ANKRA2: variants seen among roughly 807,000 people sequenced by gnomAD.
ANKRA2 encodes the protein ankyrin repeat family A protein 2.
Under a neutral mutation model 37.8 loss-of-function variants are expected in ANKRA2, and 33 were observed. The ratio of observed to expected loss-of-function variants is 0.87; its 90% confidence interval spans 0.66 to 1.17. The LOEUF is 1.17. Among genes scored for constraint, ANKRA2 ranks in the 50% most tolerant of loss-of-function variants. The pLI is 0.00. For synonymous variants in ANKRA2, 126 were observed against 132.3 expected, an observed-to-expected ratio of 0.95 and a Z score of 0.33; for missense variants, 326 against 373.7, an observed-to-expected ratio of 0.87 and a Z score of 1.05.
chr5:73,553,565 G>A (rs1747307918), intron 7 of ANKRA2, 79 bp from the exon 8 acceptor site: 32 of 1,204,338 alleles, frequency 2.7e-5, no homozygotes, highest in Non-Finnish European at 3.5e-5. Flanking sequence ...TGTACAAATA[G>A]CTGGAGAGAT....
intron 2 of ANKRA2, among the ~76,000 whole-genome samples, chr5:73,562,247 C>G (rs1747576961): frequency 6.6e-6 from 1 of 152,018 alleles, no homozygotes. Context: ...GAACTCCTGA[C>G]CTCAAGTGAT....
chr5:73,562,005 A>G (rs1747568667), intron 2 of ANKRA2, among the ~76,000 whole-genome samples: 2 of 151,972 alleles, frequency 1.3e-5, no homozygotes, highest in South Asian at 4.2e-4. Context: ...TAAAAGGAAC[A>G]TGATTTTTTT....
At chr5:73,561,438 A>G in intron 2 of ANKRA2, 150 bp from the exon 3 acceptor site, 1 of 777,140 alleles carries the variant, frequency 1.3e-6, no homozygotes, top group Non-Finnish European at 2.0e-6. Context: ...ATTAAAGTCC[A>G]TACTTCCTTG....
chr5:73,558,621 A>G (rs948618321), intron 3 of ANKRA2, among the ~76,000 whole-genome samples: 2 of 152,092 alleles, frequency 1.3e-5, no homozygotes, highest in Admixed American at 6.6e-5. Flanking sequence ...TGCAGCCTCA[A>G]CCTTCTGGGC....
At chr5:73,552,877 T>C in intron 8 of ANKRA2, 25 bp from the exon 9 acceptor site, 1 of 1,547,360 alleles carries the variant, frequency 6.5e-7, no homozygotes, top group Non-Finnish European at 8.9e-7. Flanking sequence ...TAATCAAGAT[T>C]ACAGCACAGT....
intron 1 of ANKRA2, among the ~76,000 whole-genome samples, chr5:73,563,942 G>A (rs1229198217): frequency 6.6e-6 from 1 of 152,070 alleles, no homozygotes; most frequent in Non-Finnish European, 1.5e-5. Flanking sequence ...GAGTAGGCAG[G>A]TCAGGTAATC....
intron 2 of ANKRA2, 27 bp from the exon 3 acceptor site, chr5:73,561,315 T>C: frequency 1.3e-6 from 2 of 1,591,436 alleles, no homozygotes; most frequent in East Asian, 4.5e-5. Flanking sequence ...TGTAAACACA[T>C]TAAAAGCATT....
At chr5:73,558,923 T>C (rs1241104102) in intron 3 of ANKRA2, among the ~76,000 whole-genome samples, 1 of 152,226 alleles carries the variant, frequency 6.6e-6, no homozygotes, top group African/African-American at 2.4e-5. Context: ...TAACATGAGA[T>C]GTAAATCAAA....
intron 4 of ANKRA2, among the ~76,000 whole-genome samples, chr5:73,556,143 T>C (rs1195798900): frequency 2.0e-5 from 3 of 152,222 alleles, no homozygotes; most frequent in African/African-American, 7.2e-5. Flanking sequence ...TAACATAATG[T>C]TATGTGGATG....
Position 73,561,796 on chromosome 5 carries a change from G to A in ANKRA2, c.290-508C>T, listed in dbSNP as rs200509126. ...AAAAAAAAAAGTCTACATAACCATA[G>A]TGAAAGTTCTGGAAGAAAATATATT... On this transcript the variant is annotated intron_variant, in intron 2 of 8. Coordinates refer to ENST00000296785, the MANE Select transcript of ANKRA2 (RefSeq NM_023039.5). 8.6e-5 allele frequency among the ~76,000 whole-genome samples: 13 copies of A among 151,984 alleles called. No homozygotes were observed. The East Asian group carries it at 2.5e-3, about 29-fold the overall frequency.
chr5:73,554,861 C>CCAATCAT lies in ANKRA2; in HGVS notation c.731_737dup (p.Trp246Ter), dbSNP rs1561268375. ...TTTAAATTTAGTATTACAAACTTAC[C>CCAATCAT]CAATCATATTCATTTACATCAACTC... On this transcript the variant is annotated stop_gained and frameshift_variant and splice_region_variant, in exon 6 of 9. Transcript: ENST00000296785. LOFTEE classifies it high-confidence loss of function. The CCAATCAT allele has an allele frequency of 6.2e-7, 1 of 1,611,914 alleles. No homozygotes were observed. The highest frequency in any genetic ancestry group is 8.5e-7 in the Non-Finnish European group (1 of 1,179,180).
In ANKRA2 at chr5:73,557,651, A is replaced by G; in HGVS notation, c.449-11T>C. 6.2e-7 allele frequency: 1 copy of G among 1,600,936 alleles called. No individual in the cohort carries two copies. The highest frequency in any genetic ancestry group is 8.6e-7 in the Non-Finnish European group (1 of 1,169,190). ...GGTGAACAGACAAAGCTGAAAGAGT[A>G]TCATAAAATGCTTCATGAATTATCT... is the stretch of plus-strand genomic sequence containing the variant. On this transcript the variant is annotated splice_polypyrimidine_tract_variant and intron_variant, in intron 3 of 8. Transcript: ENST00000296785.
intron 4 of ANKRA2, 109 bp downstream of exon 4, chr5:73,557,466 A>G: frequency 2.6e-6 from 1 of 383,998 alleles, no homozygotes; most frequent in Admixed American, 6.2e-5. Flanking sequence ...TGGTGAGTTT[A>G]TGTAACTATT....
At chr5:73,561,842 TAA>T (rs1226013781) in intron 2 of ANKRA2, among the ~76,000 whole-genome samples, 1 of 152,124 alleles carries the variant, frequency 6.6e-6, no homozygotes, top group Non-Finnish European at 1.5e-5. Flanking sequence ...GATGTTATCC[TAA>T]GAGAATAGTT....
intron 4 of ANKRA2, among the ~76,000 whole-genome samples, chr5:73,556,292 A>C (rs1747396304): frequency 6.6e-6 from 1 of 152,234 alleles, no homozygotes; most frequent in Non-Finnish European, 1.5e-5. Flanking sequence ...AGATTGAAGA[A>C]GCCTCCAAAT....
In ANKRA2 at chr5:73,552,348, AT is replaced by A. The variant is rs1747276683; in HGVS notation, c.*448del. ...TAGTATGCAAACTGACAGAAGAAGTATTTTATTTATTTATAATATCATTTTG... is the reference window on the plus strand; with the variant it reads ...TAGTATGCAAACTGACAGAAGAAGTATTTATTTATTTATAATATCATTTTG... On this transcript the variant is annotated 3_prime_UTR_variant, in exon 9 of 9. Transcript: ENST00000296785. 1 of 152,832 alleles carries A rather than the reference AT, an allele frequency of 6.5e-6. No homozygotes were observed. The highest frequency in any genetic ancestry group is 1.5e-5 in the Non-Finnish European group (1 of 68,236). 9.5% of individuals were successfully genotyped at this position (152,832 alleles called of 1,614,324 possible). A position where few individuals can be genotyped will look rare whatever the true frequency, so the allele number is the denominator to read the frequency against.
Position 73,554,310 on chromosome 5 carries a change from T to G in ANKRA2, c.805+12A>C. ...TCCTCACATGGCATTTTCTAAATTT[T>G]TATCTGCTTACCTAAGAGCATCTTT... is the stretch of plus-strand genomic sequence containing the variant. On this transcript the variant is annotated intron_variant, in intron 7 of 8. Transcript: ENST00000296785. The G allele has an allele frequency of 6.2e-7, 1 of 1,611,618 alleles. No individual in the cohort carries two copies. The highest frequency in any genetic ancestry group is 8.5e-7 in the Non-Finnish European group (1 of 1,178,198).
chr5:73,553,521 G>T (rs747882933), intron 7 of ANKRA2, 35 bp from the exon 8 acceptor site: 3 of 1,515,938 alleles, frequency 2.0e-6, no homozygotes, highest in Non-Finnish European at 2.7e-6. Context: ...TAAATGAAAT[G>T]AAAATGCAGA....
chr5:73,563,932 G>A (rs1207208267), intron 1 of ANKRA2, among the ~76,000 whole-genome samples: 2 of 152,108 alleles, frequency 1.3e-5, no homozygotes, highest in Admixed American at 1.3e-4. Flanking sequence ...ACAATCCTTT[G>A]AGTAGGCAGG....
Sources: allele counts gnomAD v4.1 joint callset (sites outside exome capture counted in the v4.1 genomes callset), GRCh38; gene constraint gnomAD v4.1.1; transcripts MANE v1.5; gene names NCBI Gene and HGNC (gene_info 2026-07-23, HGNC 2026-07-21).